RIN3: variants seen among roughly 807,000 people sequenced by gnomAD.
RIN3 encodes RAB5 interacting protein 3.
In RIN3, 54 loss-of-function variants were observed where a neutral mutation model predicts 76.3. That is an observed-to-expected ratio of 0.71 (90% CI 0.57 to 0.89). The LOEUF (loss-of-function observed/expected upper bound fraction) is 0.89, where lower values mean the gene tolerates loss of function less well. RIN3 is among the 40% of genes least tolerant of loss of function. RIN3 has a pLI of 0.00. For synonymous variants in RIN3, 576 were observed against 564.0 expected, an observed-to-expected ratio of 1.02 and a Z score of -0.30; for missense variants, 1,256 against 1,322.1, an observed-to-expected ratio of 0.95 and a Z score of 0.78.
intron 4 of RIN3, among the ~76,000 whole-genome samples, chr14:92,636,952 C>T (rs968572170): frequency 1.2e-4 from 18 of 151,990 alleles, no homozygotes; most frequent in South Asian, 1.0e-3. Flanking sequence ...TGCTTGGGCA[C>T]GCGTATGTGT....
intron 1 of RIN3, among the ~76,000 whole-genome samples, chr14:92,538,556 A>G (rs988614976): frequency 2.0e-5 from 3 of 152,134 alleles, no homozygotes; most frequent in Non-Finnish European, 4.4e-5. Context: ...GTTTTCCACA[A>G]CTGCAAGTCA....
intron 7 of RIN3, among the ~76,000 whole-genome samples, chr14:92,665,634 G>A (rs577124667): frequency 6.6e-6 from 1 of 152,158 alleles, no homozygotes; most frequent in Admixed American, 6.5e-5. Flanking sequence ...ACCCACCTCG[G>A]CCTCTCAAAG....
Position 92,685,345 on chromosome 14 carries a change from C to T in RIN3, c.2631+195C>T, listed in dbSNP as rs940237756. The T allele has an allele frequency of 1.5e-5, 9 of 592,252 alleles. No homozygotes were observed. The highest frequency in any genetic ancestry group is 5.6e-5 in the African/African-American group (3 of 53,818). The allele number at this position is 592,252 out of a possible 1,614,324, so 36.7% of individuals were successfully genotyped here. A position where few individuals can be genotyped will look rare whatever the true frequency, so the allele number is the denominator to read the frequency against. The stretch of plus-strand genomic sequence containing the variant: ...CCAGTGTGTGTCCAGGACTTGGGTG[C>T]GTCTAGAAACATATCAGCAGGCATT... On this transcript the variant is annotated intron_variant, in intron 9 of 9. Coordinates refer to ENST00000216487, the MANE Select transcript of RIN3 (RefSeq NM_024832.5). This position sits in a 1 kb window ranked among gnomAD's most constrained non-coding sequence, Gnocchi z 4.7.
intron 8 of RIN3, among the ~76,000 whole-genome samples, chr14:92,678,483 A>C (rs369276754): frequency 0.029 from 478 of 16,408 alleles, 5 homozygotes; most frequent in African/African-American, 0.1. Flanking sequence ...CCACCCACCC[A>C]CCCACATATT....
intron 1 of RIN3, among the ~76,000 whole-genome samples, chr14:92,549,172 C>T (rs1169276690): frequency 6.6e-6 from 1 of 152,194 alleles, no homozygotes; most frequent in Admixed American, 6.5e-5. Context: ...TGTAGACCCC[C>T]TTTGTCTTGT....
At chr14:92,678,668 G>A (rs9944167) in intron 8 of RIN3, among the ~76,000 whole-genome samples, 43,210 of 149,432 alleles carry the variant, frequency 0.29, 6,974 homozygotes, top group Non-Finnish European at 0.36. Flanking sequence ...CCATCCACCC[G>A]TCCACCCATC....
intron 1 of RIN3, among the ~76,000 whole-genome samples, chr14:92,547,441 C>G (rs761687590): frequency 6.7e-6 from 1 of 149,758 alleles, no homozygotes; most frequent in African/African-American, 2.5e-5. Flanking sequence ...GTCACCCAGG[C>G]TGGAGTGCAG....
At chr14:92,630,794 A>T (rs1202261711) in intron 4 of RIN3, among the ~76,000 whole-genome samples, 1 of 152,164 alleles carries the variant, frequency 6.6e-6, no homozygotes, top group Non-Finnish European at 1.5e-5. Context: ...GTAGCTCAGA[A>T]GTGAGATGCT....
intron 1 of RIN3, among the ~76,000 whole-genome samples, chr14:92,532,771 G>A (rs528378687): frequency 1.8e-4 from 28 of 152,322 alleles, no homozygotes; most frequent in Admixed American, 1.4e-3. Context: ...CCTCAGAGCC[G>A]TCTGAGATTC....
chr14:92,540,722 G>C (rs1484660664), intron 1 of RIN3, among the ~76,000 whole-genome samples: 1 of 152,204 alleles, frequency 6.6e-6, no homozygotes, highest in African/African-American at 2.4e-5. Flanking sequence ...GGAGAAGCCA[G>C]CCTGGCCGCC....
At chr14:92,534,139 C>T (rs1227286116) in intron 1 of RIN3, among the ~76,000 whole-genome samples, 1 of 151,738 alleles carries the variant, frequency 6.6e-6, no homozygotes, top group Non-Finnish European at 1.5e-5. Flanking sequence ...TTTATAAAAC[C>T]CCTCCACAAA....
intron 7 of RIN3, among the ~76,000 whole-genome samples, chr14:92,661,410 G>C (rs1488706111): frequency 2.0e-5 from 3 of 152,150 alleles, no homozygotes; most frequent in South Asian, 2.1e-4. Context: ...ACTGATTTGT[G>C]TCCTGCGACC....
At position 92,575,709 on chromosome 14, in the gene RIN3, G is replaced by A. The variant is rs558477403; in HGVS notation, c.250-1651G>A. Among the ~76,000 whole-genome samples the A allele has an allele frequency of 3.3e-5, 5 of 152,208 alleles. No homozygotes were observed. In the South Asian group the frequency reaches 6.2e-4, roughly 19 times the overall value. On this transcript the variant is annotated intron_variant, in intron 2 of 9. Coordinates refer to ENST00000216487, the MANE Select transcript of RIN3 (RefSeq NM_024832.5). Reference sequence around the variant, plus strand: ...TTAGCACATAATGAGCAGTGAGGACGACCAGAGGTCACTTTGGTCACCATC... The same window carrying A: ...TTAGCACATAATGAGCAGTGAGGACAACCAGAGGTCACTTTGGTCACCATC...
rs1896358684 is a variant in RIN3, at chr14:92,513,868, ACTCCGCGTT to A, written c.-63_-55del. 2 of 1,166,742 alleles carry A rather than the reference ACTCCGCGTT, an allele frequency of 1.7e-6. No individual in the cohort carries two copies. The highest frequency in any genetic ancestry group is 2.2e-6 in the Non-Finnish European group (2 of 929,086). 72.3% of individuals were successfully genotyped at this position (1,166,742 alleles called of 1,614,324 possible). On this transcript the variant is annotated 5_prime_UTR_variant, in exon 1 of 10. Coordinates refer to ENST00000216487, the MANE Select transcript of RIN3 (RefSeq NM_024832.5). ...AGCCAGGGACATGCGGGCGCCCGGG[ACTCCGCGTT>A]CCGCGCGGCCCGGCGCCTGAGCGCC...
rs182934283 is a variant in RIN3 at position 92,596,140 on chromosome 14, C to A, written c.367+18663C>A. On this transcript the variant is annotated intron_variant, in intron 3 of 9. Coordinates refer to ENST00000216487, the MANE Select transcript of RIN3 (RefSeq NM_024832.5). The stretch of plus-strand genomic sequence containing the variant: ...ACATTGGAAACTTTTAGGGAACTTG[C>A]CCCAGAGGAATTTCCCCTGCTGGAA... Among the ~76,000 whole-genome samples the A allele has an allele frequency of 1.4e-4, 22 of 152,292 alleles. No individual in the cohort carries two copies. The East Asian group carries it at 4.1e-3, about 28-fold the overall frequency.
At chr14:92,620,146 G>A (rs1200538367) in intron 4 of RIN3, among the ~76,000 whole-genome samples, 1 of 152,178 alleles carries the variant, frequency 6.6e-6, no homozygotes, top group Non-Finnish European at 1.5e-5. Context: ...GACAAACAGT[G>A]ACTTTTCCTT....
At position 92,555,963 on chromosome 14, in the gene RIN3, G is replaced by T; in HGVS notation, c.249+8G>T. Reference sequence around the variant, plus strand: ...CACCGGGTGGTGGCTGGGGTGAGTGGGGGCGTCTCCCACTTGGTAGGCACA... The same window carrying T: ...CACCGGGTGGTGGCTGGGGTGAGTGTGGGCGTCTCCCACTTGGTAGGCACA... On this transcript the variant is annotated splice_region_variant and intron_variant, in intron 2 of 9. Coordinates refer to ENST00000216487, the MANE Select transcript of RIN3 (RefSeq NM_024832.5). 1 of 1,609,822 alleles carries T rather than the reference G, an allele frequency of 6.2e-7. No individual in the cohort carries two copies. Among genetic ancestry groups the T allele is most frequent in the South Asian group, 1.1e-5 (1 of 90,954 alleles).
intron 2 of RIN3, among the ~76,000 whole-genome samples, chr14:92,559,848 A>G (rs61975766): frequency 0.1 from 15,570 of 152,230 alleles, 1,048 homozygotes; most frequent in Admixed American, 0.19. Flanking sequence ...AGTGGAGGGA[A>G]TAGAGCCTAC....
chr14:92,519,532 G>A (rs1046621052), intron 1 of RIN3, among the ~76,000 whole-genome samples: 5 of 152,112 alleles, frequency 3.3e-5, no homozygotes, highest in Admixed American at 6.5e-5. Context: ...GCAGACAGCC[G>A]GGGATACGGG....
Sources: gnomAD v4.1 joint callset for allele counts (sites outside exome capture counted in the v4.1 genomes callset) on GRCh38, gnomAD v4.1.1 for gene constraint, Gnocchi (gnomAD v3.1) non-coding constraint, MANE v1.5 for transcripts, NCBI Gene and HGNC (gene_info 2026-07-23, HGNC 2026-07-21) for gene names.